NCOA1: variants seen among roughly 807,000 people sequenced by gnomAD.
NCOA1 encodes nuclear receptor coactivator 1.
In NCOA1, 35 loss-of-function variants were observed where a neutral mutation model predicts 150.9. The observed-to-expected ratio is 0.23, with a 90% CI of 0.18 to 0.31. The LOEUF (loss-of-function observed/expected upper bound fraction) is 0.31, where lower values mean the gene tolerates loss of function less well. Among genes scored for constraint, NCOA1 ranks in the 10% least tolerant of loss-of-function variants. The pLI is 1.00. For missense variants in NCOA1, 1,491 were observed against 1,749.3 expected, an observed-to-expected ratio of 0.85 and a Z score of 2.63; for synonymous variants, 590 against 630.0, an observed-to-expected ratio of 0.94 and a Z score of 0.95.
At chr2:24,601,687 C>T (rs751482632) in intron 3 of NCOA1, among the ~76,000 whole-genome samples, 1 of 150,996 alleles carries the variant, frequency 6.6e-6, no homozygotes, top group African/African-American at 2.4e-5. Flanking sequence ...GGCTAGAGTA[C>T]AGTGGCGTGA....
intron 14 of NCOA1, among the ~76,000 whole-genome samples, chr2:24,726,119 A>G (rs372461678): frequency 6.6e-6 from 1 of 152,164 alleles, no homozygotes; most frequent in African/African-American, 2.4e-5. Context: ...AAGATTAGCA[A>G]CTGTAGAGCT....
rs1183217179 is a variant in NCOA1, at chr2:24,742,067, C to T, written c.3587C>T (p.Ala1196Val). The T allele has an allele frequency of 6.2e-7, 1 of 1,614,236 alleles. No homozygotes were observed. The highest frequency in any genetic ancestry group is 8.5e-7 in the Non-Finnish European group (1 of 1,180,038). The part of the protein sequence containing the change: ...PFSQLAANPE[A>V]SLANRNSMVS... ...TCACAACTAGCAGCAAATCCTGAAG[C>T]ATCCTTGGCCAACCGCAACAGCATG... Residue 1196 changes from alanine to valine, a missense_variant, in exon 19 of 23, where the codon GCA (alanine) becomes GTA (valine). Coordinates refer to ENST00000348332, the MANE Select transcript of NCOA1 (RefSeq NM_003743.5).
chr2:24,622,585 A>G (rs1198397185), intron 3 of NCOA1, among the ~76,000 whole-genome samples: 1 of 152,240 alleles, frequency 6.6e-6, no homozygotes, highest in Non-Finnish European at 1.5e-5. Flanking sequence ...TCTATTCCAA[A>G]AACAATATAA....
chr2:24,503,414 G>C (rs1276106347), intron 1 of NCOA1, among the ~76,000 whole-genome samples: 1 of 152,150 alleles, frequency 6.6e-6, no homozygotes, highest in Non-Finnish European at 1.5e-5. Flanking sequence ...CTCATGTATT[G>C]AGGATTACTA....
intron 5 of NCOA1, among the ~76,000 whole-genome samples, chr2:24,664,149 G>C (rs1671308180): frequency 6.6e-6 from 1 of 152,184 alleles, no homozygotes. Context: ...TTTTATTCAT[G>C]CCTTGGTATG....
chr2:24,533,574 G>T (rs1021977429), intron 1 of NCOA1, among the ~76,000 whole-genome samples: 4 of 152,122 alleles, frequency 2.6e-5, no homozygotes, highest in Non-Finnish European at 4.4e-5. Flanking sequence ...TATGATATTG[G>T]CTGTGGGTTT....
At chr2:24,569,542 G>A (rs535848920) in intron 2 of NCOA1, among the ~76,000 whole-genome samples, 11 of 119,836 alleles carry the variant, frequency 9.2e-5, no homozygotes, top group African/African-American at 2.9e-4. Context: ...CAAACTTGTT[G>A]GTTTTATTAA....
At chr2:24,526,509 C>G (rs1167523430) in intron 1 of NCOA1, among the ~76,000 whole-genome samples, 1 of 146,736 alleles carries the variant, frequency 6.8e-6, no homozygotes, top group East Asian at 2.0e-4. Flanking sequence ...TTGTCTCGAC[C>G]TTTTTTAAAA....
intron 4 of NCOA1, among the ~76,000 whole-genome samples, chr2:24,656,494 CTT>C (rs940686982): frequency 1.5e-4 from 22 of 142,456 alleles, no homozygotes; most frequent in African/African-American, 5.1e-4. Flanking sequence ...AAAATCTACT[CTT>C]TTTGCTATTC....
rs1162282258 is a variant in NCOA1, at chr2:24,621,432, A to ATTTTTTTTTTTTTTTTT, written c.-174-22517_-174-22501dup. On this transcript the variant is annotated intron_variant, in intron 3 of 22. Transcript: ENST00000348332. ...TTGTGTTATGTGTGTATTCAGGCAG[A>ATTTTTTTTTTTTTTTTT]TTTTTTTTTTTTTTTTTTTTTTTTT... Among the ~76,000 whole-genome samples the ATTTTTTTTTTTTTTTTT allele has an allele frequency of 2.1e-4, 8 of 38,892 alleles. 1 individual carries two copies. The highest frequency in any genetic ancestry group is 9.3e-4 in the East Asian group (1 of 1,070). 25.5% of individuals were successfully genotyped at this position (38,892 alleles called of 152,430 possible). A position where few individuals can be genotyped will look rare whatever the true frequency, so the allele number is the denominator to read the frequency against.
intron 22 of NCOA1, among the ~76,000 whole-genome samples, chr2:24,763,940 G>A (rs1408507098): frequency 6.6e-6 from 1 of 151,992 alleles, no homozygotes; most frequent in Non-Finnish European, 1.5e-5. Flanking sequence ...GTCTCTTAAT[G>A]AACATTTTTA....
chr2:24,553,076 C>T (rs1437573743), intron 1 of NCOA1, among the ~76,000 whole-genome samples: 2 of 152,124 alleles, frequency 1.3e-5, no homozygotes, highest in South Asian at 2.1e-4. Context: ...CGTTCGTCAT[C>T]TTAGGAGACA....
At chr2:24,526,098 T>C (rs1664640654) in intron 1 of NCOA1, among the ~76,000 whole-genome samples, 1 of 152,212 alleles carries the variant, frequency 6.6e-6, no homozygotes, top group Non-Finnish European at 1.5e-5. Flanking sequence ...TGGATATCAT[T>C]GTTTTCAGAC....
chr2:24,511,115 T>C (rs1006325449), intron 1 of NCOA1, among the ~76,000 whole-genome samples: 2 of 152,222 alleles, frequency 1.3e-5, no homozygotes, highest in African/African-American at 4.8e-5. Context: ...ACCTTTTGTC[T>C]GACTTCTTTC....
intron 1 of NCOA1, among the ~76,000 whole-genome samples, chr2:24,559,847 G>A (rs995012515): frequency 4.6e-5 from 7 of 152,162 alleles, no homozygotes; most frequent in African/African-American, 1.7e-4. Context: ...ATAACTGAGA[G>A]TGTTTGTCTA....
intron 1 of NCOA1, among the ~76,000 whole-genome samples, chr2:24,520,799 A>C (rs1388010567): frequency 1.3e-5 from 2 of 152,226 alleles, no homozygotes; most frequent in Admixed American, 6.5e-5. Flanking sequence ...AAATAAAATG[A>C]AAAAGTCTTG....
chr2:24,553,722 A>G (rs1227303663), intron 1 of NCOA1, among the ~76,000 whole-genome samples: 1 of 152,144 alleles, frequency 6.6e-6, no homozygotes, highest in Non-Finnish European at 1.5e-5. Flanking sequence ...ATGTTCATCA[A>G]AGTATGATGG....
At chr2:24,730,543 G>A (rs912045771) in intron 17 of NCOA1, among the ~76,000 whole-genome samples, 2 of 152,180 alleles carry the variant, frequency 1.3e-5, no homozygotes, top group African/African-American at 4.8e-5. Context: ...TGAGGTTGGA[G>A]AGATTGATGC....
intron 3 of NCOA1, among the ~76,000 whole-genome samples, chr2:24,622,083 T>C (rs1232525410): frequency 1.3e-5 from 2 of 152,152 alleles, no homozygotes; most frequent in African/African-American, 2.4e-5. Context: ...ATGATGAACA[T>C]AGGAGAAGGA....
Sources: allele counts gnomAD v4.1 joint callset (sites outside exome capture counted in the v4.1 genomes callset), GRCh38; gene constraint gnomAD v4.1.1; transcripts MANE v1.5; gene names NCBI Gene and HGNC (gene_info 2026-07-23, HGNC 2026-07-21).